Variants in DAB2IP observed in about 807,000 individuals in gnomAD.
DAB2IP encodes the protein DAB2 interacting protein, also known as disabled homolog 2-interacting protein.
DAB2IP carries 28 observed loss-of-function variants against 107.2 expected under a neutral mutation model. The ratio of observed to expected loss-of-function variants is 0.26; its 90% CI spans 0.19 to 0.36. DAB2IP has a LOEUF of 0.36. Ranked by LOEUF, DAB2IP falls within the 10% of genes least tolerant of loss-of-function variation. The probability of loss-of-function intolerance (pLI) is 1.00; values close to 1 mark genes in which losing one functional copy is unlikely to be tolerated. For missense variants in DAB2IP, 1,400 were observed against 1,644.7 expected (o/e 0.85, Z 2.57); for synonymous variants, 755 against 706.4 (o/e 1.07, Z -1.09).
intron 1 of DAB2IP, among the ~76,000 whole-genome samples, chr9:121,641,759 A>G (rs1832291831): frequency 7.0e-6 from 1 of 143,336 alleles, no homozygotes; most frequent in South Asian, 2.5e-4. Flanking sequence ...TCCTGGTCCC[A>G]CAGCCAGCCT....
At chr9:121,751,850 C>A (rs775647925) in intron 3 of DAB2IP, 892 of 890,582 alleles carry the variant, frequency 1.0e-3, no homozygotes, top group Non-Finnish European at 1.2e-3. Context: ...ATGCCCTGGC[C>A]AAGCTCCTCT....
intron 1 of DAB2IP, among the ~76,000 whole-genome samples, chr9:121,640,560 C>T (rs1202432863): frequency 6.6e-6 from 1 of 151,732 alleles, no homozygotes; most frequent in Non-Finnish European, 1.5e-5. Flanking sequence ...TCCCCACCTC[C>T]CCCCACACCA....
chr9:121,768,657 G>T (rs745705719), intron 10 of DAB2IP, 24 bp downstream of exon 10: 1 of 1,611,810 alleles, frequency 6.2e-7, no homozygotes, highest in Admixed American at 1.7e-5. Context: ...TGGGGCGGAG[G>T]TGGGGCCAAA....
chr9:121,579,794 G>A (rs1418208912), intron 1 of DAB2IP, among the ~76,000 whole-genome samples: 2 of 152,174 alleles, frequency 1.3e-5, no homozygotes, highest in Non-Finnish European at 2.9e-5. Flanking sequence ...ATGAATGAAC[G>A]AATGACTTGA....
At chr9:121,642,676 T>A (rs1283173524) in intron 1 of DAB2IP, among the ~76,000 whole-genome samples, 1 of 151,664 alleles carries the variant, frequency 6.6e-6, no homozygotes, top group Non-Finnish European at 1.5e-5. Context: ...TGCACCTCGT[T>A]CATCACACAT....
At chr9:121,778,320 A>C (rs1171978673) in intron 14 of DAB2IP, among the ~76,000 whole-genome samples, 3 of 152,198 alleles carry the variant, frequency 2.0e-5, no homozygotes, top group Non-Finnish European at 2.9e-5. Flanking sequence ...GTTAGGTGTC[A>C]ACATATGAAT....
At chr9:121,584,915 G>T (rs1830279352) in intron 1 of DAB2IP, among the ~76,000 whole-genome samples, 1 of 152,112 alleles carries the variant, frequency 6.6e-6, no homozygotes, top group South Asian at 2.1e-4. Flanking sequence ...ACTTTTAGAG[G>T]TGGGGTCTTT....
chr9:121,656,664 T>TA (rs981423424), intron 1 of DAB2IP, among the ~76,000 whole-genome samples: 4 of 152,202 alleles, frequency 2.6e-5, no homozygotes, highest in African/African-American at 9.7e-5. Flanking sequence ...TCCTTTTTGT[T>TA]ACGGCTCCTG....
intron 1 of DAB2IP, among the ~76,000 whole-genome samples, chr9:121,614,922 CAG>C (rs1831218550): frequency 6.6e-6 from 1 of 151,852 alleles, no homozygotes; most frequent in South Asian, 2.1e-4. Flanking sequence ...TTAGTAGAGA[CAG>C]GGTTTCGTCC....
chr9:121,649,610 G>A (rs1267646582), upstream of DAB2IP, among the ~76,000 whole-genome samples: 1 of 152,184 alleles, frequency 6.6e-6, no homozygotes, highest in Non-Finnish European at 1.5e-5. Flanking sequence ...TCCTGAGTAG[G>A]ACTTCCTGGG....
At chr9:121,686,685 C>A (rs1046152407) in intron 2 of DAB2IP, among the ~76,000 whole-genome samples, 5 of 152,180 alleles carry the variant, frequency 3.3e-5, no homozygotes, top group Non-Finnish European at 7.3e-5. Flanking sequence ...AGGCAAGTTG[C>A]CCCACTCTCT....
intron 1 of DAB2IP, among the ~76,000 whole-genome samples, chr9:121,595,436 C>CAAAA (rs950677645): frequency 2.6e-5 from 4 of 151,544 alleles, no homozygotes; most frequent in Non-Finnish European, 4.4e-5. Flanking sequence ...CTACAACAAA[C>CAAAA]AAACAAACAA....
At chr9:121,779,058 T>C (rs1423462738) in intron 14 of DAB2IP, among the ~76,000 whole-genome samples, 1 of 152,172 alleles carries the variant, frequency 6.6e-6, no homozygotes, top group Non-Finnish European at 1.5e-5. Flanking sequence ...TCACTGATGC[T>C]CTGTTATCTT....
chr9:121,604,489 C>T (rs905738163), intron 1 of DAB2IP, among the ~76,000 whole-genome samples: 5 of 152,200 alleles, frequency 3.3e-5, no homozygotes, highest in African/African-American at 1.2e-4. Flanking sequence ...AAACACGGCC[C>T]CATGTCTGGC....
intron 3 of DAB2IP, among the ~76,000 whole-genome samples, chr9:121,723,104 AC>A (rs1306906684): frequency 1.3e-5 from 2 of 152,232 alleles, no homozygotes; most frequent in East Asian, 3.9e-4. Context: ...CTCTCCCAGC[AC>A]CCACAGCCTT....
chr9:121,597,226 T>G (rs940631618), intron 1 of DAB2IP, among the ~76,000 whole-genome samples: 1 of 152,250 alleles, frequency 6.6e-6, no homozygotes, highest in Admixed American at 6.5e-5. Context: ...AAGACATCCT[T>G]GACTATTATG....
In DAB2IP at chr9:121,781,444, GTC is replaced by G. The variant is rs747232193; in HGVS notation, c.3315-16_3315-15del. ...TGCTGCCTCCAGGGCCAGTCTGACTGTCTCTGTCTCTGGCTATAGGTTGATGT... is the reference window on the plus strand; with the variant it reads ...TGCTGCCTCCAGGGCCAGTCTGACTGTCTGTCTCTGGCTATAGGTTGATGT... On this transcript the variant is annotated intron_variant, in intron 14 of 15. Transcript: ENST00000408936. 3.1e-6 allele frequency: 5 copies of G among 1,613,422 alleles called. No individual in the cohort carries two copies. The highest frequency in any genetic ancestry group is 3.4e-6 in the Non-Finnish European group (4 of 1,179,654).
At chr9:121,690,206 C>T (rs1829093985) in intron 2 of DAB2IP, among the ~76,000 whole-genome samples, 1 of 152,208 alleles carries the variant, frequency 6.6e-6, no homozygotes, top group South Asian at 2.1e-4. Context: ...GACTTATAGA[C>T]TCCAAACGTG....
At chr9:121,775,622 G>A (rs1178089568) in intron 13 of DAB2IP, among the ~76,000 whole-genome samples, 6 of 152,214 alleles carry the variant, frequency 3.9e-5, no homozygotes, top group Non-Finnish European at 7.3e-5. Context: ...GATGGTTGGG[G>A]TCTGTGCTGG....
Sources: allele counts gnomAD v4.1 joint callset (sites outside exome capture counted in the v4.1 genomes callset), GRCh38; gene constraint gnomAD v4.1.1; transcripts MANE v1.5; gene names NCBI Gene and HGNC (gene_info 2026-07-23, HGNC 2026-07-21).